CSMD3: variants seen among roughly 807,000 people sequenced by gnomAD.
CSMD3 encodes CUB and sushi domain-containing protein 3.
A neutral mutation model predicts 435.2 loss-of-function variants in CSMD3; 177 were observed. That is an observed-to-expected ratio of 0.41 (90% CI 0.36 to 0.46). The LOEUF (loss-of-function observed/expected upper bound fraction) is 0.46. Ranked by LOEUF, CSMD3 falls within the 20% of genes least tolerant of loss-of-function variation. CSMD3 has a pLI of 0.34. For synonymous variants in CSMD3, 1,656 were observed against 1,520.5 expected, an observed-to-expected ratio of 1.09 and a Z score of -2.07; for missense variants, 4,265 against 4,504.6, an observed-to-expected ratio of 0.95 and a Z score of 1.52.
chr8:112,621,322 G>C (rs2131515764), intron 22 of CSMD3, among the ~76,000 whole-genome samples: 1 of 152,174 alleles, frequency 6.6e-6, no homozygotes, highest in African/African-American at 2.4e-5. Context: ...TACGTATACA[G>C]ACATCCTCTG....
chr8:112,364,521 T>C (rs764920189), intron 38 of CSMD3, among the ~76,000 whole-genome samples: 2 of 152,058 alleles, frequency 1.3e-5, no homozygotes, highest in Admixed American at 6.6e-5. Context: ...TTACATATGC[T>C]GCAAGGTCCC....
chr8:113,296,826 T>C (rs945708578), intron 2 of CSMD3, among the ~76,000 whole-genome samples: 3 of 152,154 alleles, frequency 2.0e-5, no homozygotes, highest in Non-Finnish European at 2.9e-5. Flanking sequence ...TAGTTCCAAA[T>C]AGTTGCCCCA....
At chr8:112,302,573 A>C (rs1369516102) in intron 52 of CSMD3, among the ~76,000 whole-genome samples, 1 of 152,086 alleles carries the variant, frequency 6.6e-6, no homozygotes, top group Non-Finnish European at 1.5e-5. Flanking sequence ...TGACTTCTTC[A>C]TATTTGAAGA....
Position 112,958,403 on chromosome 8 carries a change from AAT to A in CSMD3, c.1343-3644_1343-3643del, listed in dbSNP as rs2084110033. On this transcript the variant is annotated intron_variant, in intron 7 of 70. Transcript: ENST00000297405. ...ATACAAGAAAGGCCTGGCAGGGAAG[AAT>A]ATCAGGCCAGCAATCAAATCCCTCT... 2.0e-5 allele frequency among the ~76,000 whole-genome samples: 3 copies of A among 152,290 alleles called. No homozygotes were observed. In the South Asian group the frequency reaches 6.2e-4, roughly 32 times the overall value.
chr8:112,455,982 G>A (rs191924362), intron 32 of CSMD3, among the ~76,000 whole-genome samples: 457 of 151,724 alleles, frequency 3.0e-3, no homozygotes, highest in African/African-American at 0.011. Context: ...ATTTATCAAT[G>A]GTCTAGTTTT....
In CSMD3 at chr8:112,496,437, C is replaced by T. The variant is rs527860642; in HGVS notation, c.5084-3754G>A. Reference sequence around the variant, plus strand: ...ACTAAATATAGAACTACCATATGATCCAGCAATCCCACTGCTAGTATATAT... The same window carrying T: ...ACTAAATATAGAACTACCATATGATTCAGCAATCCCACTGCTAGTATATAT... On this transcript the variant is annotated intron_variant, in intron 30 of 70. Transcript: ENST00000297405. 3.9e-5 allele frequency among the ~76,000 whole-genome samples: 6 copies of T among 152,184 alleles called. No homozygotes were observed. In the South Asian group the frequency reaches 1.2e-3, roughly 32 times the overall value.
intron 23 of CSMD3, among the ~76,000 whole-genome samples, chr8:112,585,495 T>C (rs898660539): frequency 6.6e-6 from 1 of 151,454 alleles, no homozygotes; most frequent in South Asian, 2.1e-4. Context: ...CTTCTCAAGG[T>C]AGCACATATC....
intron 1 of CSMD3, among the ~76,000 whole-genome samples, chr8:113,363,020 AT>A (rs1264769875): frequency 6.6e-6 from 1 of 152,120 alleles, no homozygotes; most frequent in African/African-American, 2.4e-5. Flanking sequence ...TTCTGCTACC[AT>A]TTTCCTCACA....
chr8:112,313,670 TA>T (rs1249235224), intron 49 of CSMD3, among the ~76,000 whole-genome samples: 3 of 152,100 alleles, frequency 2.0e-5, no homozygotes, highest in African/African-American at 7.2e-5. Flanking sequence ...ATAACTGACA[TA>T]TAAGTCATAA....
At chr8:113,372,432 C>T (rs1485484988) in intron 1 of CSMD3, among the ~76,000 whole-genome samples, 1 of 152,016 alleles carries the variant, frequency 6.6e-6, no homozygotes, top group Non-Finnish European at 1.5e-5. Flanking sequence ...AGATGAGAAG[C>T]GGATTGGAGG....
intron 22 of CSMD3, among the ~76,000 whole-genome samples, chr8:112,610,571 T>A: frequency 6.6e-6 from 1 of 152,146 alleles, no homozygotes; most frequent in African/African-American, 2.4e-5. Flanking sequence ...TAAAAAAAAA[T>A]TGTATATGAT....
intron 5 of CSMD3, among the ~76,000 whole-genome samples, chr8:113,073,899 T>C (rs955488083): frequency 3.3e-5 from 5 of 151,854 alleles, no homozygotes; most frequent in Admixed American, 2.6e-4. Flanking sequence ...ATATATGTCC[T>C]CTTCGAAGAC....
At chr8:112,689,547 AG>A (rs2076086893) in intron 14 of CSMD3, among the ~76,000 whole-genome samples, 1 of 152,078 alleles carries the variant, frequency 6.6e-6, no homozygotes, top group Non-Finnish European at 1.5e-5. Context: ...AAAATAAATG[AG>A]TCTATTAGAA....
At chr8:112,256,180 C>G (rs1815780216) in intron 61 of CSMD3, among the ~76,000 whole-genome samples, 1 of 151,772 alleles carries the variant, frequency 6.6e-6, no homozygotes, top group African/African-American at 2.4e-5. Flanking sequence ...TGTCAGTAAA[C>G]AAATACTGTA....
Position 112,341,674 on chromosome 8 carries a change from T to C in CSMD3, c.6455A>G (p.Gln2152Arg), listed in dbSNP as rs535990198. 14 of 1,601,552 alleles carry C rather than the reference T, an allele frequency of 8.7e-6. No individual in the cohort carries two copies. In the Admixed American group the frequency reaches 1.7e-4, roughly 19 times the overall value. The change falls in exon 42 of 71, where the codon CAG (glutamine) becomes CGG (arginine). Residue 2152 changes from glutamine to arginine, a missense_variant. By Grantham distance (43) the Gln-to-Arg change is conservative. This residue lies in a region of CSMD3 where 3,255 missense variants were observed against 3,380.2 expected (regional missense o/e 0.96). Coordinates refer to ENST00000297405, the MANE Select transcript of CSMD3 (RefSeq NM_198123.2). ...GGTTTCTGTAGAAAAATTTACAAAC[T>C]GGAGATGTACACCTGAAGAAGAAAA... ...NLPIGFGVHL[Q>R]FVNFSTETIH...
At chr8:112,962,716 T>G in intron 7 of CSMD3, among the ~76,000 whole-genome samples, 1 of 151,938 alleles carries the variant, frequency 6.6e-6, no homozygotes, top group Non-Finnish European at 1.5e-5. Context: ...TTTAATGCAG[T>G]GTTTTACTGC....
intron 13 of CSMD3, among the ~76,000 whole-genome samples, chr8:112,705,272 G>T (rs527724899): frequency 6.6e-6 from 1 of 152,094 alleles, no homozygotes; most frequent in East Asian, 1.9e-4. Flanking sequence ...TTTATCACTA[G>T]AGAGTGGAAA....
chr8:112,235,583 GA>G (rs34066167), intron 67 of CSMD3, among the ~76,000 whole-genome samples: 95,740 of 151,870 alleles, frequency 0.63, 31,068 homozygotes, highest in African/African-American at 0.77. Flanking sequence ...AAGCTGGAGG[GA>G]AAAAATTGTT....
chr8:112,831,152 A>T (rs1451703347), intron 11 of CSMD3, among the ~76,000 whole-genome samples: 2 of 152,188 alleles, frequency 1.3e-5, no homozygotes, highest in Non-Finnish European at 2.9e-5. Context: ...TGACTAAAAC[A>T]ATTGTTTTGG....
Sources: gnomAD v4.1 joint callset for allele counts (sites outside exome capture counted in the v4.1 genomes callset) on GRCh38, gnomAD v4.1.1 for gene constraint, gnomAD v4.1.1 regional missense constraint, MANE v1.5 for transcripts, NCBI Gene and HGNC (gene_info 2026-07-23, HGNC 2026-07-21) for gene names.